DST: variants seen among roughly 807,000 people sequenced by gnomAD.
DST encodes bullous pemphigoid antigen.
In DST, 253 loss-of-function variants were observed where a neutral mutation model predicts 875.2. The observed-to-expected ratio is 0.29, with a 90% confidence interval of 0.26 to 0.32. The LOEUF (loss-of-function observed/expected upper bound fraction) is 0.32. DST is among the 10% of genes least tolerant of loss of function. The probability of loss-of-function intolerance (pLI) is 1.00; values close to 1 mark genes in which losing one functional copy is unlikely to be tolerated. For synonymous variants in DST, 3,124 were observed against 3,197.1 expected, an observed-to-expected ratio of 0.98 and a Z score of 0.77; for missense variants, 8,287 against 9,111.6, an observed-to-expected ratio of 0.91 and a Z score of 3.68.
intron 4 of DST, among the ~76,000 whole-genome samples, chr6:56,773,226 A>G (rs1379099184): frequency 3.3e-5 from 5 of 152,098 alleles, no homozygotes; most frequent in South Asian, 2.1e-4. Flanking sequence ...TTAATCTAGT[A>G]GGTTTTGGGG....
Position 56,473,856 on chromosome 6 carries a change from A to C in DST, c.21994+17T>G. ...CCCTTATTTATTGACATTTTAAAGA[A>C]ATTGATCACTGCTTACTTCCTGCTC... On this transcript the variant is annotated intron_variant, in intron 93 of 103. Transcript: ENST00000680361. The C allele has an allele frequency of 6.3e-7, 1 of 1,581,958 alleles. No individual in the cohort carries two copies. Among genetic ancestry groups the C allele is most frequent in the South Asian group, 1.2e-5 (1 of 83,596 alleles).
intron 4 of DST, among the ~76,000 whole-genome samples, chr6:56,825,385 T>C (rs976235963): frequency 1.3e-5 from 2 of 149,696 alleles, no homozygotes; most frequent in African/African-American, 4.9e-5. Flanking sequence ...GTCCTCTGCC[T>C]AGGAAAACCA....
chr6:56,600,209 G>A lies in DST; in HGVS notation c.11554C>T (p.Arg3852Cys), dbSNP rs761430797. Residue 3852 changes from arginine to cysteine, a missense_variant, in exon 45 of 104, where the codon CGT becomes TGT. By Grantham distance (180) the Arg-to-Cys change is radical (BLOSUM62 -3). This residue lies in a region of DST where 3,138 missense variants were observed against 3,116.6 expected (regional missense o/e 1.01). Coordinates refer to ENST00000680361, the MANE Select transcript of DST (RefSeq NM_001374736.1). ...DLDDQKIVAERQQEYKEKLQG... is the reference protein window; with the variant it reads ...DLDDQKIVAECQQEYKEKLQG... Reference sequence around the variant, plus strand: ...AGTTTCTCTTTATACTCCTGCTGACGCTCTGCTACAATCTAAAGTGAAGAA... The same window carrying A: ...AGTTTCTCTTTATACTCCTGCTGACACTCTGCTACAATCTAAAGTGAAGAA... 15 of 1,611,640 alleles carry A rather than the reference G, an allele frequency of 9.3e-6. No individual in the cohort carries two copies. Among genetic ancestry groups the A allele is most frequent in the Admixed American group, 1.7e-5 (1 of 59,890 alleles).
At chr6:56,598,927 C>T (rs564436865) in intron 45 of DST, among the ~76,000 whole-genome samples, 105 of 151,950 alleles carry the variant, frequency 6.9e-4, no homozygotes, top group Non-Finnish European at 1.3e-3. Flanking sequence ...TCATGTTTAA[C>T]GAAAGAATGC....
Position 56,605,739 on chromosome 6 carries a change from C to G in DST, c.8889G>C (p.Leu2963Phe). Residue 2963 changes from leucine (L) to phenylalanine (F), a missense_variant, in exon 40 of 104, where the codon TTG becomes TTC. By Grantham distance (22) the Leu-to-Phe change is conservative. Coordinates refer to ENST00000680361, the MANE Select transcript of DST (RefSeq NM_001374736.1). ...ATTCTGGCAATTCTGACCCTTGAAT[C>G]AACTTAACCTTTGTGTTTGCTAGAT... ...GTDLANTKVK[L>F]IQGSELPELT... 2 of 1,612,778 alleles carry G rather than the reference C, an allele frequency of 1.2e-6. No homozygotes were observed. The highest frequency in any genetic ancestry group is 1.7e-6 in the Non-Finnish European group (2 of 1,179,328).
chr6:56,908,369 T>C (rs1797385024), intron 2 of DST, among the ~76,000 whole-genome samples: 1 of 152,280 alleles, frequency 6.6e-6, no homozygotes, highest in East Asian at 1.9e-4. Flanking sequence ...AAAATATGCC[T>C]TGATTTTCAA....
chr6:56,667,225 A>G (rs1236619237), intron 10 of DST, among the ~76,000 whole-genome samples: 2 of 152,186 alleles, frequency 1.3e-5, no homozygotes, highest in Non-Finnish European at 2.9e-5. Context: ...ATTACTCTCT[A>G]AATGTGATTA....
At chr6:56,886,081 C>T (rs1195676981) in intron 3 of DST, among the ~76,000 whole-genome samples, 1 of 152,184 alleles carries the variant, frequency 6.6e-6, no homozygotes, top group Non-Finnish European at 1.5e-5. Context: ...GTGGCCAACA[C>T]AGATAATGCA....
chr6:56,547,469 C>T (rs1305557099), intron 61 of DST, among the ~76,000 whole-genome samples: 1 of 152,172 alleles, frequency 6.6e-6, no homozygotes, highest in Non-Finnish European at 1.5e-5. Flanking sequence ...AGGGAACATG[C>T]AACCCCTTTG....
intron 4 of DST, among the ~76,000 whole-genome samples, chr6:56,787,565 T>C (rs370877429): frequency 6.6e-6 from 1 of 152,264 alleles, no homozygotes; most frequent in East Asian, 1.9e-4. Flanking sequence ...AAATATGAAA[T>C]TGTAACACAA....
chr6:56,648,840 C>T (rs541646816), intron 12 of DST, among the ~76,000 whole-genome samples, 151 bp from the exon 13 acceptor site: 62 of 152,324 alleles, frequency 4.1e-4, no homozygotes, highest in African/African-American at 1.3e-3. Flanking sequence ...CACCCAGCCC[C>T]AATCCCTGTC....
rs114871153 is a variant in DST, at chr6:56,916,036, C to T, written c.217-15415G>A. ...ATGGGAAGATGGCAGATAGTTTAGA[C>T]GGTTCAGATAGTTCATATAGTTCAG... On this transcript the variant is annotated intron_variant, in intron 2 of 103. Coordinates refer to ENST00000680361, the MANE Select transcript of DST (RefSeq NM_001374736.1). 9.3e-3 allele frequency among the ~76,000 whole-genome samples: 1,417 copies of T among 152,242 alleles called. 22 individuals carry two copies. Among genetic ancestry groups the T allele is most frequent in the African/African-American group, 0.032 (1,331 of 41,526 alleles).
intron 100 of DST, 89 bp downstream of exon 100, chr6:56,464,596 G>A (rs1292791261): frequency 2.1e-6 from 2 of 965,422 alleles, no homozygotes; most frequent in Non-Finnish European, 3.2e-6. Context: ...GATGAAGCAT[G>A]TTATTTTAAA....
chr6:56,636,599 C>A lies in DST; in HGVS notation c.3018G>T (p.Gln1006His). 6.2e-7 allele frequency: 1 copy of A among 1,613,636 alleles called. No individual in the cohort carries two copies. The highest frequency in any genetic ancestry group is 8.5e-7 in the Non-Finnish European group (1 of 1,179,954). Reference sequence around the variant, plus strand: ...TCTCCTTTATGTGCTGCTCCACACACTGGCAGAGCTGTAAGATCCAGCTCC... The same window carrying A: ...TCTCCTTTATGTGCTGCTCCACACAATGGCAGAGCTGTAAGATCCAGCTCC... ...TQWSWILQLC[Q>H]CVEQHIKENT... The change falls in exon 23 of 104, where the codon CAG becomes CAT. Residue 1006 changes from glutamine to histidine, a missense_variant. Physicochemically the swap from Gln to His is conservative, Grantham distance 24 (BLOSUM62 0). Around this residue, in one of 10 missense-constraint regions of DST, gnomAD observed 1,160 missense variants for 1,424.3 expected, o/e 0.81. Coordinates refer to ENST00000680361, the MANE Select transcript of DST (RefSeq NM_001374736.1).
intron 4 of DST, among the ~76,000 whole-genome samples, chr6:56,834,815 G>C (rs2099791562): frequency 1.3e-5 from 2 of 152,124 alleles, no homozygotes; most frequent in African/African-American, 4.8e-5. Context: ...TTCTCACAAA[G>C]CTAAACGTAC....
rs200304409 is a variant in DST, at chr6:56,516,569, A to AT, written c.18357+628dup. 2.0e-3 allele frequency among the ~76,000 whole-genome samples: 311 copies of AT among 151,732 alleles called. 2 individuals carry two copies. The highest frequency in any genetic ancestry group is 6.9e-3 in the African/African-American group (285 of 41,422). On this transcript the variant is annotated intron_variant, in intron 71 of 103. Coordinates refer to ENST00000680361, the MANE Select transcript of DST (RefSeq NM_001374736.1). ...TATGATTTTAGGCATAGAGATTCCT[A>AT]TTTTTTTTGCCATGCATGGGATATC...
chr6:56,940,651 C>T (rs1022312194), intron 2 of DST, among the ~76,000 whole-genome samples: 11 of 152,136 alleles, frequency 7.2e-5, no homozygotes, highest in Non-Finnish European at 1.0e-4. Flanking sequence ...GCAATCACAG[C>T]TCACTACAAC....
intron 4 of DST, among the ~76,000 whole-genome samples, chr6:56,784,231 T>C (rs1035166420): frequency 2.0e-5 from 3 of 152,184 alleles, no homozygotes; most frequent in Non-Finnish European, 2.9e-5. Flanking sequence ...AGGAGTATCT[T>C]TGTGGCGTTC....
At position 56,605,430 on chromosome 6, in the gene DST, T is replaced by C; in HGVS notation, c.9198A>G (p.Val3066=). ...GEGEVLVEGL[V]EEENRHLKLL... ...GTTTGAGATGCCTATTTTCTTCTTCTACTAGACCTTCTACAAGCACTTCTC... is the reference window on the plus strand; with the variant it reads ...GTTTGAGATGCCTATTTTCTTCTTCCACTAGACCTTCTACAAGCACTTCTC... Residue 3066 remains valine (V), a synonymous_variant, in exon 40 of 104, where the codon GTA becomes GTG. Transcript: ENST00000680361. The C allele has an allele frequency of 6.2e-7, 1 of 1,612,944 alleles. No homozygotes were observed. Among genetic ancestry groups the C allele is most frequent in the South Asian group, 1.1e-5 (1 of 91,044 alleles).
Sources: gnomAD v4.1 joint callset for allele counts (sites outside exome capture counted in the v4.1 genomes callset) on GRCh38, gnomAD v4.1.1 for gene constraint, gnomAD v4.1.1 regional missense constraint, MANE v1.5 for transcripts, NCBI Gene and HGNC (gene_info 2026-07-23, HGNC 2026-07-21) for gene names.